KCNH7: variants seen among roughly 807,000 people sequenced by gnomAD.
The protein encoded by KCNH7 is voltage-gated inwardly rectifying potassium channel KCNH7.
Under a neutral mutation model 120.8 loss-of-function variants are expected in KCNH7, and 49 were observed. The observed-to-expected ratio is 0.41, with a 90% confidence interval of 0.32 to 0.51. The LOEUF is 0.51. Among genes scored for constraint, KCNH7 ranks in the 20% least tolerant of loss-of-function variants. KCNH7 has a pLI of 0.38. For synonymous variants in KCNH7, 547 were observed against 516.1 expected, an observed-to-expected ratio of 1.06 and a Z score of -0.81; for missense variants, 1,097 against 1,446.6, an observed-to-expected ratio of 0.76 and a Z score of 3.92.
chr2:162,474,041 G>T (rs1014753345), intron 6 of KCNH7, among the ~76,000 whole-genome samples: 9 of 152,130 alleles, frequency 5.9e-5, no homozygotes, highest in Non-Finnish European at 1.3e-4. Context: ...CCTTCTTAAG[G>T]TCTTTCTATG....
chr2:162,720,908 C>T (rs1574305160), intron 2 of KCNH7, among the ~76,000 whole-genome samples: 2 of 152,256 alleles, frequency 1.3e-5, no homozygotes, highest in South Asian at 4.1e-4. Context: ...ACAGGCTCTA[C>T]ACACTTTTAT....
chr2:162,764,037 A>G (rs1689059889), intron 2 of KCNH7, among the ~76,000 whole-genome samples: 1 of 152,044 alleles, frequency 6.6e-6, no homozygotes, highest in Non-Finnish European at 1.5e-5. Flanking sequence ...CAATGTTTAT[A>G]AAGTTCCTCT....
At chr2:162,626,210 G>A (rs1256011047) in intron 2 of KCNH7, among the ~76,000 whole-genome samples, 3 of 152,104 alleles carry the variant, frequency 2.0e-5, no homozygotes, top group Non-Finnish European at 4.4e-5. Flanking sequence ...TGAGAAAAAT[G>A]TCAGCAAACA....
At chr2:162,665,003 T>C (rs538342385) in intron 2 of KCNH7, among the ~76,000 whole-genome samples, 1 of 152,292 alleles carries the variant, frequency 6.6e-6, no homozygotes, top group Non-Finnish European at 1.5e-5. Context: ...GGTCTTTCTC[T>C]ACTTCTTTCT....
intron 6 of KCNH7, among the ~76,000 whole-genome samples, chr2:162,469,692 T>G (rs1417684183): frequency 2.5e-5 from 3 of 121,640 alleles, no homozygotes; most frequent in Non-Finnish European, 5.2e-5. Flanking sequence ...CCCCTCCCCC[T>G]CTCCCTCTCC....
At chr2:162,442,258 C>T (rs1573963292) in intron 7 of KCNH7, among the ~76,000 whole-genome samples, 1 of 151,532 alleles carries the variant, frequency 6.6e-6, no homozygotes, top group Non-Finnish European at 1.5e-5. Flanking sequence ...GATCTCCTGA[C>T]CTCATGATCC....
chr2:162,429,383 CTTTTTTT>C (rs60854157), intron 8 of KCNH7, among the ~76,000 whole-genome samples: 2 of 86,264 alleles, frequency 2.3e-5, no homozygotes, highest in Non-Finnish European at 4.0e-5. Flanking sequence ...AGGAAAAAGT[CTTTTTTT>C]TTTTTTTTTT....
chr2:162,748,987 CTTCT>C (rs1298978855), intron 2 of KCNH7, among the ~76,000 whole-genome samples: 5,549 of 120,800 alleles, frequency 0.046, 1,040 homozygotes, highest in African/African-American at 0.12. Context: ...TCCTTCCTTC[CTTCT>C]TTCCTCTCTT....
chr2:162,540,798 CAT>C (rs1491387932), intron 2 of KCNH7, among the ~76,000 whole-genome samples: 2 of 152,164 alleles, frequency 1.3e-5, no homozygotes, highest in African/African-American at 4.8e-5. Context: ...CTTTCCTTCA[CAT>C]GTGTGTGTGA....
intron 7 of KCNH7, among the ~76,000 whole-genome samples, chr2:162,445,636 C>T (rs532537922): frequency 1.3e-5 from 2 of 152,200 alleles, no homozygotes; most frequent in South Asian, 2.1e-4. Flanking sequence ...GAACAAAAAA[C>T]AAATCTCTGC....
chr2:162,481,080 T>C (rs2105681290), intron 6 of KCNH7, among the ~76,000 whole-genome samples: 1 of 152,270 alleles, frequency 6.6e-6, no homozygotes, highest in East Asian at 1.9e-4. Context: ...CTGGGTTACG[T>C]GCCCCCTTTC....
At chr2:162,829,546 G>A (rs1685399071) in intron 2 of KCNH7, among the ~76,000 whole-genome samples, 1 of 152,110 alleles carries the variant, frequency 6.6e-6, no homozygotes, top group South Asian at 2.1e-4. Context: ...GATTGTTGGA[G>A]ACACTGGTAA....
intron 2 of KCNH7, among the ~76,000 whole-genome samples, chr2:162,545,538 AT>A (rs1692450432): frequency 6.6e-6 from 1 of 152,186 alleles, no homozygotes; most frequent in African/African-American, 2.4e-5. Flanking sequence ...ACTGTCACCT[AT>A]TTGATATATT....
chr2:162,831,017 T>G (rs554105668), intron 2 of KCNH7, among the ~76,000 whole-genome samples: 1 of 152,238 alleles, frequency 6.6e-6, no homozygotes, highest in Non-Finnish European at 1.5e-5. Context: ...CCAGCCAGTA[T>G]CCTGGTTTAA....
chr2:162,569,751 A>T (rs1195682943), intron 2 of KCNH7, among the ~76,000 whole-genome samples: 4 of 151,364 alleles, frequency 2.6e-5, no homozygotes, highest in Non-Finnish European at 5.9e-5. Context: ...GTTGGTTTCA[A>T]AGAACATCTT....
intron 2 of KCNH7, among the ~76,000 whole-genome samples, chr2:162,793,718 G>A (rs942408809): frequency 1.3e-5 from 2 of 151,946 alleles, no homozygotes; most frequent in Non-Finnish European, 2.9e-5. Flanking sequence ...TGGTTGCCAG[G>A]GAACAGGGAT....
At chr2:162,449,961 A>C (rs1196673311) in intron 6 of KCNH7, among the ~76,000 whole-genome samples, 1 of 152,114 alleles carries the variant, frequency 6.6e-6, no homozygotes, top group Admixed American at 6.6e-5. Flanking sequence ...TAGATCAAAA[A>C]TGATTGAAAT....
At chr2:162,706,343 T>C (rs1359232890) in intron 2 of KCNH7, among the ~76,000 whole-genome samples, 1 of 152,110 alleles carries the variant, frequency 6.6e-6, no homozygotes, top group African/African-American at 2.4e-5. Context: ...TGAATGATGG[T>C]GGTGTTGTTA....
chr2:162,621,241 G>T (rs1182471444), intron 2 of KCNH7, among the ~76,000 whole-genome samples: 2 of 112,548 alleles, frequency 1.8e-5, no homozygotes, highest in Non-Finnish European at 1.8e-5. Flanking sequence ...TCACAATCTG[G>T]GTATCATCAT....
Sources: gnomAD v4.1 joint callset for allele counts (sites outside exome capture counted in the v4.1 genomes callset) on GRCh38, gnomAD v4.1.1 for gene constraint, MANE v1.5 for transcripts, NCBI Gene and HGNC (gene_info 2026-07-23, HGNC 2026-07-21) for gene names.